Variants in ADCY9 observed in about 807,000 individuals in gnomAD.
The protein encoded by ADCY9 is adenylate cyclase type 9.
ADCY9 carries 50 observed loss-of-function variants against 101.5 expected under a neutral mutation model. The observed-to-expected ratio is 0.49, with a 90% CI of 0.39 to 0.62. The LOEUF is 0.62. ADCY9 is among the 20% of genes least tolerant of loss of function. The probability of loss-of-function intolerance (pLI) is 0.00; values close to 1 mark genes in which losing one functional copy is unlikely to be tolerated. For synonymous variants in ADCY9, 905 were observed against 769.3 expected (o/e 1.18, Z -2.92); for missense variants, 1,662 against 1,800.4 (o/e 0.92, Z 1.39).
chr16:3,989,715 A>C (rs2072339), intron 5 of ADCY9, among the ~76,000 whole-genome samples: 27,719 of 152,218 alleles, frequency 0.18, 2,833 homozygotes, highest in Admixed American at 0.28. Context: ...GATTAGGAGA[A>C]GATGAAGGCA....
intron 4 of ADCY9, 51 bp downstream of exon 4, chr16:3,993,355 T>C: frequency 6.2e-7 from 1 of 1,600,968 alleles, no homozygotes; most frequent in Non-Finnish European, 8.6e-7. Flanking sequence ...TCACCTTGGG[T>C]GGATGCGCCA....
At chr16:3,993,153 T>G (rs2056259354) in intron 4 of ADCY9, among the ~76,000 whole-genome samples, 1 of 152,154 alleles carries the variant, frequency 6.6e-6, no homozygotes, top group African/African-American at 2.4e-5. Flanking sequence ...TCCACGCATT[T>G]TAAACCCTTA....
downstream of ADCY9, among the ~76,000 whole-genome samples, chr16:3,961,896 T>C (rs1385532886): frequency 6.6e-6 from 1 of 151,886 alleles, no homozygotes. Context: ...TGTGGTGGTA[T>C]ATGCCTGTAA....
At chr16:4,026,764 C>T (rs956845357) in intron 2 of ADCY9, among the ~76,000 whole-genome samples, 53 of 152,130 alleles carry the variant, frequency 3.5e-4, no homozygotes, top group African/African-American at 1.3e-3. Context: ...CTGTGTGGTT[C>T]CATTTTAATG....
chr16:4,018,269 A>G (rs2141734147), intron 2 of ADCY9, among the ~76,000 whole-genome samples: 2 of 148,306 alleles, frequency 1.3e-5, no homozygotes, highest in Middle Eastern at 7.0e-3. Context: ...GCAGGAGTGC[A>G]GTGGCATGAT....
chr16:3,967,308 G>C (rs1840854978), intron 10 of ADCY9, among the ~76,000 whole-genome samples: 1 of 151,920 alleles, frequency 6.6e-6, no homozygotes, highest in African/African-American at 2.4e-5. Context: ...AACATCTTTA[G>C]TAAGTGCTTG....
chr16:4,110,493 G>A (rs544021218), intron 2 of ADCY9, among the ~76,000 whole-genome samples: 4 of 147,076 alleles, frequency 2.7e-5, no homozygotes, highest in African/African-American at 7.5e-5. Context: ...GGGTTCAAGC[G>A]ATTCTTCTGC....
At chr16:4,049,242 G>T (rs939790462) in intron 2 of ADCY9, among the ~76,000 whole-genome samples, 6 of 152,194 alleles carry the variant, frequency 3.9e-5, no homozygotes, top group African/African-American at 1.4e-4. Context: ...GCTTTCCATT[G>T]CTGTACAGAA....
At chr16:4,028,587 A>T (rs2056533264) in intron 2 of ADCY9, among the ~76,000 whole-genome samples, 1 of 152,180 alleles carries the variant, frequency 6.6e-6, no homozygotes, top group African/African-American at 2.4e-5. Context: ...GTGGTTTGGG[A>T]CTGGAAGCAG....
intron 2 of ADCY9, among the ~76,000 whole-genome samples, chr16:4,051,536 AAAG>A (rs887659281): frequency 1.2e-4 from 19 of 152,102 alleles, no homozygotes; most frequent in South Asian, 2.1e-4. Flanking sequence ...AAAAAAAAAA[AAAG>A]AAGAAGAAGT....
chr16:3,959,324 T>C (rs1433790826), downstream of ADCY9, among the ~76,000 whole-genome samples: 1 of 148,512 alleles, frequency 6.7e-6, no homozygotes, highest in East Asian at 2.0e-4. Context: ...ATTGAGCCAC[T>C]GCATTCCAGC....
chr16:3,972,421 G>C (rs191860145), intron 10 of ADCY9, among the ~76,000 whole-genome samples: 28 of 151,920 alleles, frequency 1.8e-4, no homozygotes, highest in African/African-American at 6.5e-4. Flanking sequence ...GTAGAGATGG[G>C]GTTTCACAAA....
chr16:4,055,633 A>G (rs1420952434), intron 2 of ADCY9, among the ~76,000 whole-genome samples: 1 of 152,054 alleles, frequency 6.6e-6, no homozygotes. Context: ...GGAGATCGAG[A>G]CCATCCCGGC....
At chr16:4,107,523 C>G (rs1377887895) in intron 2 of ADCY9, among the ~76,000 whole-genome samples, 3 of 133,886 alleles carry the variant, frequency 2.2e-5, no homozygotes, top group South Asian at 2.4e-4. Context: ...GGCATTCCAG[C>G]CTGGGTGACA....
chr16:4,096,283 A>C (rs1410254347), intron 2 of ADCY9, among the ~76,000 whole-genome samples: 2 of 152,212 alleles, frequency 1.3e-5, no homozygotes, highest in Non-Finnish European at 2.9e-5. Flanking sequence ...TGTCCCAATC[A>C]CGTGAGAATC....
chr16:3,990,465 CA>C (rs58708699), intron 5 of ADCY9, among the ~76,000 whole-genome samples: 57,481 of 144,284 alleles, frequency 0.4, 11,601 homozygotes, highest in South Asian at 0.51. Flanking sequence ...GACTATGTCT[CA>C]AAAAAAAAAA....
chr16:4,110,407 C>T (rs1467371836), intron 2 of ADCY9, among the ~76,000 whole-genome samples: 6 of 100,278 alleles, frequency 6.0e-5, no homozygotes, highest in African/African-American at 1.4e-4. Context: ...TTTTTTGAGA[C>T]GCAGTCTCGC....
intron 8 of ADCY9, among the ~76,000 whole-genome samples, chr16:3,978,101 T>C (rs375595561): frequency 5.5e-4 from 84 of 152,300 alleles, no homozygotes; most frequent in African/African-American, 1.9e-3. Flanking sequence ...CTTTTGCTAG[T>C]GGGCAGTGTC....
rs71139606 is a variant in ADCY9, at chr16:4,097,487, T to TACAC, written c.1693+16259_1693+16262dup. On this transcript the variant is annotated intron_variant, in intron 2 of 10. Coordinates refer to ENST00000294016, the MANE Select transcript of ADCY9 (RefSeq NM_001116.4). ...ATATATATATATATATATATATATA[T>TACAC]ACACACACACACACTATATATATGT... Among the ~76,000 whole-genome samples the TACAC allele has an allele frequency of 8.7e-4, 63 of 72,464 alleles. 1 individual carries two copies. Among genetic ancestry groups the TACAC allele is most frequent in the East Asian group, 4.1e-3 (11 of 2,692 alleles). 47.5% of individuals were successfully genotyped at this position (72,464 alleles called of 152,430 possible).
Sources: allele counts gnomAD v4.1 joint callset (sites outside exome capture counted in the v4.1 genomes callset), GRCh38; gene constraint gnomAD v4.1.1; transcripts MANE v1.5; gene names NCBI Gene and HGNC (gene_info 2026-07-23, HGNC 2026-07-21).